The following CEP63 variants were observed in gnomAD, a reference collection of about 807,000 sequenced individuals.
CEP63 encodes centrosomal protein of 63 kDa.
CEP63 carries 84 observed loss-of-function variants against 89.1 expected under a neutral mutation model. That is an observed-to-expected ratio of 0.94 (90% CI 0.79 to 1.13). CEP63 has a LOEUF of 1.13. Ranked by LOEUF, CEP63 falls within the 50% of genes most tolerant of loss-of-function variation. The pLI is 0.00. For missense variants in CEP63, 838 were observed against 813.3 expected, an observed-to-expected ratio of 1.03 and a Z score of -0.37; for synonymous variants, 267 against 272.5, an observed-to-expected ratio of 0.98 and a Z score of 0.20.
the CEP63 span, among the ~76,000 whole-genome samples, chr3:134,727,902 T>A: frequency 6.6e-6 from 1 of 152,186 alleles, no homozygotes; most frequent in Admixed American, 6.5e-5. Context: ...GGAAATTTTC[T>A]ATGCTGTAAA....
the CEP63 span, among the ~76,000 whole-genome samples, chr3:134,606,468 T>C: frequency 2.0e-5 from 3 of 152,128 alleles, no homozygotes; most frequent in Non-Finnish European, 4.4e-5. Flanking sequence ...GGATAAGGCT[T>C]CATGGTAATG....
In CEP63 at chr3:134,525,410, A is replaced by G. The variant is rs111280569; in HGVS notation, c.223-6435A>G. The stretch of plus-strand genomic sequence containing the variant: ...TTTTGGTTATTTCTCATCTTCTGCT[A>G]TGTATGTCACTGCATGTGAGATGGG... On this transcript the variant is annotated intron_variant, in intron 3 of 14. Transcript: ENST00000675561. Among the ~76,000 whole-genome samples, 257 of 152,214 alleles carry G rather than the reference A, an allele frequency of 1.7e-3. 1 individual carries two copies. Among genetic ancestry groups the G allele is most frequent in the African/African-American group, 5.9e-3 (245 of 41,530 alleles).
At chr3:134,745,618 T>C in the CEP63 span, among the ~76,000 whole-genome samples, 1 of 152,142 alleles carries the variant, frequency 6.6e-6, no homozygotes, top group Non-Finnish European at 1.5e-5. Flanking sequence ...TGTGCTGTGT[T>C]GGTTTGCTGC....
downstream of CEP63, among the ~76,000 whole-genome samples, chr3:134,589,344 G>T (rs962613942): frequency 2.0e-5 from 3 of 152,046 alleles, no homozygotes; most frequent in Admixed American, 2.0e-4. Flanking sequence ...TATATAAAAA[G>T]AATAATCTAT....
chr3:134,607,130 A>T, the CEP63 span: 1 of 985,486 alleles, frequency 1.0e-6, no homozygotes, highest in Non-Finnish European at 1.2e-6. Flanking sequence ...TGACCTGGTC[A>T]GTTCTTTCCG....
At chr3:134,764,629 A>G in the CEP63 span, among the ~76,000 whole-genome samples, 1 of 152,092 alleles carries the variant, frequency 6.6e-6, no homozygotes, top group Non-Finnish European at 1.5e-5. Flanking sequence ...TCCCCATCGC[A>G]ATGCTTCTTA....
At chr3:134,661,344 A>C in the CEP63 span, among the ~76,000 whole-genome samples, 1 of 152,120 alleles carries the variant, frequency 6.6e-6, no homozygotes, top group Non-Finnish European at 1.5e-5. Flanking sequence ...CCTTCCGCCT[A>C]ATATGCTTTG....
At chr3:134,781,958 T>C in the CEP63 span, among the ~76,000 whole-genome samples, 1 of 152,204 alleles carries the variant, frequency 6.6e-6, no homozygotes, top group Non-Finnish European at 1.5e-5. Flanking sequence ...AGGCATCCTT[T>C]CTTCTTCCCC....
chr3:134,650,724 C>T, the CEP63 span: 1 of 1,159,158 alleles, frequency 8.6e-7, no homozygotes. Context: ...GTTCGCTGAC[C>T]TCGTTCGGGG....
chr3:134,643,660 G>A, the CEP63 span, among the ~76,000 whole-genome samples: 1 of 152,176 alleles, frequency 6.6e-6, no homozygotes, highest in Non-Finnish European at 1.5e-5. Context: ...AGTCTTCCAT[G>A]GTCTTTGTAG....
the CEP63 span, among the ~76,000 whole-genome samples, chr3:134,697,309 T>C: frequency 3.3e-5 from 5 of 152,054 alleles, no homozygotes; most frequent in African/African-American, 4.8e-5. Flanking sequence ...AAGCTTAGTG[T>C]TGGGTGGAGG....
chr3:134,489,525 A>G (rs987392543), intron 1 of CEP63, among the ~76,000 whole-genome samples: 26 of 152,180 alleles, frequency 1.7e-4, no homozygotes, highest in African/African-American at 6.3e-4. Flanking sequence ...CCATCCACCC[A>G]TAGTGAAATT....
intron 6 of CEP63, among the ~76,000 whole-genome samples, chr3:134,538,882 CT>C (rs929361391): frequency 1.3e-5 from 2 of 151,956 alleles, no homozygotes; most frequent in African/African-American, 4.8e-5. Context: ...ATTATTGACT[CT>C]ATGTAATTAA....
the CEP63 span, among the ~76,000 whole-genome samples, chr3:134,640,918 C>T: frequency 3.3e-5 from 5 of 152,204 alleles, no homozygotes; most frequent in Non-Finnish European, 7.3e-5. Flanking sequence ...ATGTCTACAA[C>T]CATCTAATGG....
the CEP63 span, among the ~76,000 whole-genome samples, chr3:134,656,724 C>T: frequency 6.6e-6 from 1 of 152,046 alleles, no homozygotes; most frequent in African/African-American, 2.4e-5. Context: ...AGAGGACAGG[C>T]AGGGGAGACA....
chr3:134,669,081 G>A, the CEP63 span, among the ~76,000 whole-genome samples: 20 of 151,968 alleles, frequency 1.3e-4, no homozygotes, highest in Non-Finnish European at 1.0e-4. Flanking sequence ...GGAATTCAGT[G>A]GCATGGTGGT....
At chr3:134,572,068 C>A (rs969522881) in intron 11 of CEP63, among the ~76,000 whole-genome samples, 4 of 152,128 alleles carry the variant, frequency 2.6e-5, no homozygotes, top group African/African-American at 4.8e-5. Context: ...TTCATGGAAC[C>A]CTAAATTGTA....
At chr3:134,486,243 TGTAACC>T (rs1222412768) in intron 1 of CEP63, 41 bp downstream of exon 1, 93 of 985,300 alleles carry the variant, frequency 9.4e-5, no homozygotes, top group Non-Finnish European at 1.1e-4. Flanking sequence ...GCGGCAACCC[TGTAACC>T]GCCGGTGCGC....
chr3:134,703,556 A>G, the CEP63 span, among the ~76,000 whole-genome samples: 2 of 152,120 alleles, frequency 1.3e-5, no homozygotes, highest in Non-Finnish European at 2.9e-5. Flanking sequence ...GTTCTCACTT[A>G]TAAGTGGGAG....
Sources: gnomAD v4.1 joint callset for allele counts (sites outside exome capture counted in the v4.1 genomes callset) on GRCh38, gnomAD v4.1.1 for gene constraint, MANE v1.5 for transcripts, NCBI Gene and HGNC (gene_info 2026-07-23, HGNC 2026-07-21) for gene names.